Variants in LRFN2 observed in about 807,000 individuals in gnomAD.
LRFN2 encodes leucine rich repeat and fibronectin type III domain containing 2.
Under a neutral mutation model 37.3 loss-of-function variants are expected in LRFN2, and 18 were observed. That is an observed-to-expected ratio of 0.48 (90% CI 0.33 to 0.72). The LOEUF (loss-of-function observed/expected upper bound fraction) is 0.72, where lower values mean the gene tolerates loss of function less well. Among genes scored for constraint, LRFN2 ranks in the 30% least tolerant of loss-of-function variants. The pLI is 0.02. For synonymous variants in LRFN2, 556 were observed against 466.6 expected (o/e 1.19, Z -2.47); for missense variants, 1,006 against 1,060.7 (o/e 0.95, Z 0.72).
At chr6:40,412,925 G>A (rs1763004314) in intron 2 of LRFN2, among the ~76,000 whole-genome samples, 2 of 152,168 alleles carry the variant, frequency 1.3e-5, no homozygotes, top group African/African-American at 4.8e-5. Context: ...TTAAGTGGGT[G>A]GTCAGGCATC....
intron 1 of LRFN2, among the ~76,000 whole-genome samples, chr6:40,573,147 G>C (rs1767215930): frequency 6.6e-6 from 1 of 152,214 alleles, no homozygotes. Context: ...CTTACAAGCT[G>C]TGTGACCTTA....
intron 1 of LRFN2, among the ~76,000 whole-genome samples, chr6:40,528,256 G>A (rs942863324): frequency 6.6e-6 from 1 of 152,246 alleles, no homozygotes; most frequent in Admixed American, 6.5e-5. Flanking sequence ...GCGGCCTGCC[G>A]AAGTGGAGCT....
intron 1 of LRFN2, among the ~76,000 whole-genome samples, chr6:40,541,228 C>G (rs1363948833): frequency 6.6e-6 from 1 of 152,190 alleles, no homozygotes. Context: ...CCAGCCTGAA[C>G]TCTAAGTAAT....
intron 1 of LRFN2, among the ~76,000 whole-genome samples, chr6:40,583,924 G>A (rs1160109501): frequency 6.6e-6 from 1 of 152,176 alleles, no homozygotes; most frequent in African/African-American, 2.4e-5. Flanking sequence ...AGACAGGAAA[G>A]GGTGGCTGGT....
chr6:40,420,134 A>AC (rs1763187573), intron 2 of LRFN2, among the ~76,000 whole-genome samples: 1 of 152,106 alleles, frequency 6.6e-6, no homozygotes, highest in African/African-American at 2.4e-5. Flanking sequence ...TTTGGAGCCC[A>AC]CCCCTGCTGG....
intron 1 of LRFN2, among the ~76,000 whole-genome samples, chr6:40,497,008 A>G (rs545695993): frequency 5.6e-4 from 85 of 152,190 alleles, no homozygotes; most frequent in African/African-American, 1.1e-3. Context: ...GGGTGACTGG[A>G]TGTAATAGAG....
intron 2 of LRFN2, among the ~76,000 whole-genome samples, chr6:40,402,388 G>A (rs887841333): frequency 9.2e-5 from 14 of 152,320 alleles, no homozygotes; most frequent in Middle Eastern, 3.4e-3. Flanking sequence ...GAATTGAATT[G>A]AGCAGAATCA....
rs60167160 is a variant in LRFN2 at position 40,556,658 on chromosome 6, GTCTCTCTCTCTCTC to G, written c.-19+30269_-19+30282del. ...AGTGTGGAGAGTGAATTAGAACCAG[GTCTCTCTCTCTCTC>G]TCTCTCTCTCTCTCTCTTTGTTTCT... On this transcript the variant is annotated intron_variant, in intron 1 of 2. Transcript: ENST00000338305. Among the ~76,000 whole-genome samples the G allele has an allele frequency of 6.5e-5, 9 of 139,440 alleles. No individual in the cohort carries two copies. The South Asian group carries it at 7.1e-4, about 11-fold the overall frequency. 91.5% of individuals were successfully genotyped at this position (139,440 alleles called of 152,430 possible). A position where few individuals can be genotyped will look rare whatever the true frequency, so the allele number is the denominator to read the frequency against.
At chr6:40,473,838 A>G (rs1028534941) in intron 1 of LRFN2, among the ~76,000 whole-genome samples, 6 of 152,044 alleles carry the variant, frequency 3.9e-5, no homozygotes, top group African/African-American at 1.2e-4. Context: ...TATCATCCCT[A>G]TATTACCAGT....
At chr6:40,573,454 A>T (rs1767221642) in intron 1 of LRFN2, among the ~76,000 whole-genome samples, 2 of 152,202 alleles carry the variant, frequency 1.3e-5, no homozygotes, top group Non-Finnish European at 2.9e-5. Context: ...CCTAAGTGAC[A>T]GCGTTTTGTG....
intron 1 of LRFN2, among the ~76,000 whole-genome samples, chr6:40,463,987 C>G (rs557844464): frequency 6.6e-6 from 1 of 152,166 alleles, no homozygotes; most frequent in South Asian, 2.1e-4. Context: ...CCTGCCTTTA[C>G]CTGGCCAACT....
chr6:40,414,214 G>T (rs1390109061), intron 2 of LRFN2, among the ~76,000 whole-genome samples: 2 of 152,250 alleles, frequency 1.3e-5, no homozygotes, highest in African/African-American at 4.8e-5. Flanking sequence ...CCTCCCAGGG[G>T]GCTATGAAGG....
intron 1 of LRFN2, among the ~76,000 whole-genome samples, chr6:40,533,374 A>AACACACACACACACACAC (rs58462773): frequency 3.1e-4 from 44 of 143,066 alleles, no homozygotes; most frequent in African/African-American, 1.1e-3. Flanking sequence ...TCTTGCTCAA[A>AACACACACACACACACAC]ACACACACAC....
intron 1 of LRFN2, among the ~76,000 whole-genome samples, chr6:40,554,763 C>T (rs1766837484): frequency 6.6e-6 from 1 of 152,124 alleles, no homozygotes. Context: ...GACTCCCCCT[C>T]TGAAAAATCG....
At chr6:40,422,295 C>T (rs555976704) in intron 2 of LRFN2, among the ~76,000 whole-genome samples, 10 of 152,306 alleles carry the variant, frequency 6.6e-5, no homozygotes, top group Non-Finnish European at 1.5e-4. Context: ...GACCAATTCC[C>T]TAGCTGTGGA....
intron 2 of LRFN2, among the ~76,000 whole-genome samples, chr6:40,397,196 C>T (rs1333545369): frequency 1.3e-5 from 2 of 152,220 alleles, no homozygotes; most frequent in South Asian, 2.1e-4. Context: ...TCCAACCCTA[C>T]AAAACCATCC....
At chr6:40,396,208 C>T (rs1762611182) in intron 2 of LRFN2, among the ~76,000 whole-genome samples, 1 of 152,194 alleles carries the variant, frequency 6.6e-6, no homozygotes, top group Non-Finnish European at 1.5e-5. Context: ...TTGTTATTCT[C>T]ATTTCCACTT....
At chr6:40,493,193 G>A (rs1765133835) in intron 1 of LRFN2, among the ~76,000 whole-genome samples, 1 of 152,076 alleles carries the variant, frequency 6.6e-6, no homozygotes, top group Non-Finnish European at 1.5e-5. Flanking sequence ...ATCAGGGATG[G>A]GAAGTGTGTC....
chr6:40,530,781 C>T (rs944891228), intron 1 of LRFN2, among the ~76,000 whole-genome samples: 37 of 152,212 alleles, frequency 2.4e-4, no homozygotes, highest in African/African-American at 7.7e-4. Context: ...ACACTCACTT[C>T]GGAGTGCCAA....
Sources: gnomAD v4.1 joint callset for allele counts (sites outside exome capture counted in the v4.1 genomes callset) on GRCh38, gnomAD v4.1.1 for gene constraint, MANE v1.5 for transcripts, NCBI Gene and HGNC (gene_info 2026-07-23, HGNC 2026-07-21) for gene names.